The following MED17 variants were observed in gnomAD, a reference collection of about 807,000 sequenced individuals.
The protein encoded by MED17 is mediator of RNA polymerase II transcription subunit 17.
In MED17, 49 loss-of-function variants were observed where a neutral mutation model predicts 80.8. The ratio of observed to expected loss-of-function variants is 0.61; its 90% CI spans 0.48 to 0.77. The LOEUF is 0.77. MED17 is among the 30% of genes least tolerant of loss of function. The pLI is 0.00. For missense variants in MED17, 718 were observed against 787.0 expected (o/e 0.91, Z 1.05); for synonymous variants, 281 against 280.4 (o/e 1.00, Z -0.02).
intron 8 of MED17, among the ~76,000 whole-genome samples, chr11:93,798,258 A>G (rs1208720586): frequency 3.9e-5 from 6 of 152,210 alleles, no homozygotes; most frequent in Non-Finnish European, 8.8e-5. Context: ...ATGTAACGCC[A>G]AAGCTCTTTT....
chr11:93,805,653 A>T (rs970545291), intron 9 of MED17, among the ~76,000 whole-genome samples: 1 of 152,210 alleles, frequency 6.6e-6, no homozygotes, highest in African/African-American at 2.4e-5. Context: ...TGCCACAAGT[A>T]TGCATTCACC....
At chr11:93,800,799 G>C (rs1943954996) in intron 8 of MED17, 1 of 152,000 alleles carries the variant, frequency 6.6e-6, no homozygotes. Flanking sequence ...ACTGTGCCCA[G>C]CTTATTTTTT....
intron 9 of MED17, chr11:93,806,530 T>C (rs1353462570): frequency 6.6e-6 from 1 of 152,204 alleles, no homozygotes; most frequent in Non-Finnish European, 1.5e-5. Flanking sequence ...TGAGTTTCTT[T>C]ATTTGACCTA....
chr11:93,803,551 A>T (rs1379094765), intron 9 of MED17, among the ~76,000 whole-genome samples: 1 of 152,132 alleles, frequency 6.6e-6, no homozygotes, highest in African/African-American at 2.4e-5. Flanking sequence ...AGATGAAACA[A>T]GTTTGGATTG....
rs117410080 is a variant in MED17, at chr11:93,811,683, T to G, written c.1745-170T>G. 5 of 624,220 alleles carry G rather than the reference T, an allele frequency of 8.0e-6. No individual in the cohort carries two copies. The East Asian group carries it at 1.4e-4, about 17-fold the overall frequency. 38.7% of individuals were successfully genotyped at this position (624,220 alleles called of 1,614,324 possible). ...TTTATACCATCCTCTTATATAGAAGTTAGAGTTTTTCTCTTGCATGTTGAA... is the reference window on the plus strand; with the variant it reads ...TTTATACCATCCTCTTATATAGAAGGTAGAGTTTTTCTCTTGCATGTTGAA... On this transcript the variant is annotated intron_variant, in intron 11 of 11. Transcript: ENST00000251871.
intron 7 of MED17, 77 bp downstream of exon 7, chr11:93,796,617 C>A: frequency 6.6e-7 from 1 of 1,509,484 alleles, no homozygotes; most frequent in Non-Finnish European, 9.2e-7. Context: ...CTCCTCTCGT[C>A]TGCTGAGTCT....
At chr11:93,792,471 G>A (rs1352354574) in intron 3 of MED17, among the ~76,000 whole-genome samples, 7 of 152,090 alleles carry the variant, frequency 4.6e-5, no homozygotes, top group Non-Finnish European at 2.9e-5. Context: ...CTTTCTTTGG[G>A]GTAGTCACTC....
At chr11:93,802,450 A>G (rs1258492882) in intron 9 of MED17, among the ~76,000 whole-genome samples, 1 of 152,142 alleles carries the variant, frequency 6.6e-6, no homozygotes, top group Non-Finnish European at 1.5e-5. Flanking sequence ...GAAAATTCAT[A>G]AAGTCTGTTT....
intron 1 of MED17, among the ~76,000 whole-genome samples, chr11:93,785,769 G>GAT (rs1943762786): frequency 6.6e-6 from 1 of 152,212 alleles, no homozygotes; most frequent in Non-Finnish European, 1.5e-5. Context: ...CATTTTTGGA[G>GAT]GCCAAGGTGG....
chr11:93,796,673 C>T (rs1943906566), intron 7 of MED17, 133 bp downstream of exon 7: 2 of 1,068,702 alleles, frequency 1.9e-6, no homozygotes, highest in African/African-American at 1.6e-5. Flanking sequence ...TGTGAAAGAT[C>T]CTTGCTGTGT....
chr11:93,797,058 C>T (rs1291149776), intron 7 of MED17: 1 of 206,558 alleles, frequency 4.8e-6, no homozygotes, highest in East Asian at 1.2e-4. Flanking sequence ...TAAAAAGCTC[C>T]TTAGGAGGTT....
intron 3 of MED17, 184 bp from the exon 4 acceptor site, chr11:93,793,537 ACCACCCC>A (rs1943865170): frequency 1.8e-6 from 1 of 546,982 alleles, no homozygotes; most frequent in East Asian, 3.1e-5. Context: ...AAGGTAAATA[ACCACCCC>A]CCACCTTTAT....
At chr11:93,796,106 T>G (rs1383384952) in intron 6 of MED17, 2 of 354,108 alleles carry the variant, frequency 5.6e-6, no homozygotes, top group African/African-American at 4.3e-5. Context: ...CACGCCACCA[T>G]GCCCAGCTAA....
intron 8 of MED17, among the ~76,000 whole-genome samples, chr11:93,800,497 C>T (rs796498990): frequency 5.3e-5 from 8 of 151,966 alleles, no homozygotes; most frequent in African/African-American, 1.9e-4. Flanking sequence ...GGCGTGGTGG[C>T]ACACGCCTGT....
rs1447597765 is a variant in MED17, at chr11:93,797,608, GA to G, written c.1218del (p.Arg406SerfsTer26). On this transcript the variant is annotated frameshift_variant, in exon 8 of 12. Coordinates refer to ENST00000251871, the MANE Select transcript of MED17 (RefSeq NM_004268.5). LOFTEE classifies it high-confidence loss of function. Reference sequence around the variant, plus strand: ...GCACCTTTTGGCCACAAGAGAATGAGACTTTCGGGTCCTCAAGCTTTTGATA... The same window carrying G: ...GCACCTTTTGGCCACAAGAGAATGAGCTTTCGGGTCCTCAAGCTTTTGATA... ...ASAPFGHKRM[R>X]LSGPQAFDKN... 6.2e-7 allele frequency: 1 copy of G among 1,614,066 alleles called. No homozygotes were observed. The highest frequency in any genetic ancestry group is 1.1e-5 in the South Asian group (1 of 91,078).
intron 8 of MED17, chr11:93,801,090 C>T (rs1304894752): frequency 6.6e-6 from 1 of 152,152 alleles, no homozygotes; most frequent in Non-Finnish European, 1.5e-5. Context: ...GTTTTTGGCT[C>T]TGGATTTAGA....
chr11:93,803,124 T>C (rs2135718525), intron 9 of MED17, among the ~76,000 whole-genome samples: 1 of 152,282 alleles, frequency 6.6e-6, no homozygotes, highest in African/African-American at 2.4e-5. Context: ...GGACTACAGG[T>C]GTGCACTACG....
chr11:93,811,882 A>C lies in MED17; in HGVS notation c.1774A>C (p.Ile592Leu). 6.2e-7 allele frequency: 1 copy of C among 1,614,148 alleles called. No homozygotes were observed. Among genetic ancestry groups the C allele is most frequent in the South Asian group, 1.1e-5 (1 of 91,086 alleles). Residue 592 changes from isoleucine to leucine, a missense_variant, in exon 12 of 12, where the codon ATT becomes CTT. Ile to Leu is a conservative substitution (Grantham distance 5). Coordinates refer to ENST00000251871, the MANE Select transcript of MED17 (RefSeq NM_004268.5). ...VRNGPESGSK[I>L]MVQFPRNQCK... The stretch of plus-strand genomic sequence containing the variant: ...TAATGGACCTGAAAGTGGCAGCAAG[A>C]TTATGGTTCAGTTTCCTCGTAACCA...
chr11:93,810,031 G>A, intron 11 of MED17, 155 bp downstream of exon 11: 1 of 757,110 alleles, frequency 1.3e-6, no homozygotes, highest in Non-Finnish European at 2.3e-6. Flanking sequence ...TAGCTATTAT[G>A]CAGAGCAAGA....
Sources: gnomAD v4.1 joint callset for allele counts (sites outside exome capture counted in the v4.1 genomes callset) on GRCh38, gnomAD v4.1.1 for gene constraint, MANE v1.5 for transcripts, NCBI Gene and HGNC (gene_info 2026-07-23, HGNC 2026-07-21) for gene names.